Variants in TRPM3 observed in about 807,000 individuals in gnomAD.
TRPM3 encodes the protein transient receptor potential cation channel subfamily M member 3, also known as long transient receptor potential channel 3.
In TRPM3, 77 loss-of-function variants were observed where a neutral mutation model predicts 181.2. The observed-to-expected ratio is 0.42, with a 90% CI of 0.35 to 0.51. The LOEUF is 0.51. TRPM3 is among the 20% of genes least tolerant of loss of function. TRPM3 has a pLI of 0.01. For missense variants in TRPM3, 1,759 were observed against 2,196.7 expected (o/e 0.80, Z 3.98); for synonymous variants, 745 against 796.4 (o/e 0.94, Z 1.09).
intron 7 of TRPM3, among the ~76,000 whole-genome samples, chr9:70,763,222 C>T (rs2078480622): frequency 6.6e-6 from 1 of 152,086 alleles, no homozygotes; most frequent in Admixed American, 6.5e-5. Context: ...AGAATATACA[C>T]ATTTAGGCTG....
intron 1 of TRPM3, among the ~76,000 whole-genome samples, chr9:71,046,933 A>G (rs1236146929): frequency 6.6e-6 from 1 of 152,228 alleles, no homozygotes; most frequent in African/African-American, 2.4e-5. Context: ...GTTCAACGTA[A>G]TAAGCACCAA....
intron 1 of TRPM3, among the ~76,000 whole-genome samples, chr9:71,162,500 C>T (rs1034911099): frequency 1.3e-5 from 2 of 152,030 alleles, no homozygotes; most frequent in Non-Finnish European, 2.9e-5. Flanking sequence ...CTTTATTTTA[C>T]ATATATAGCT....
At chr9:71,258,194 CA>C (rs1353586540) in intron 1 of TRPM3, among the ~76,000 whole-genome samples, 9 of 152,162 alleles carry the variant, frequency 5.9e-5, no homozygotes, top group Non-Finnish European at 1.2e-4. Flanking sequence ...CACATTGGCC[CA>C]TTTAAGTCTT....
chr9:70,837,607 C>A (rs1197331477), intron 5 of TRPM3, among the ~76,000 whole-genome samples: 2 of 152,164 alleles, frequency 1.3e-5, no homozygotes, highest in African/African-American at 4.8e-5. Context: ...CTTCATTTAC[C>A]TGACACAAAT....
At chr9:70,970,856 G>T (rs1429735883) in intron 1 of TRPM3, among the ~76,000 whole-genome samples, 2 of 152,044 alleles carry the variant, frequency 1.3e-5, no homozygotes, top group African/African-American at 4.8e-5. Flanking sequence ...TTTGAAGAAT[G>T]GCTTATCACC....
Position 71,105,888 on chromosome 9 carries a change from G to A in TRPM3, c.177+15290C>T, listed in dbSNP as rs117329127. ...GATTGTTGTGATATTAACTGGAGAA[G>A]GTCATTAAAGAACTTTCTAGGGTGA... On this transcript the variant is annotated intron_variant, in intron 1 of 25. Transcript: ENST00000677713. Among the ~76,000 whole-genome samples, 739 of 152,250 alleles carry A rather than the reference G, an allele frequency of 4.9e-3. 19 individuals carry two copies. In the East Asian group the frequency reaches 0.078, roughly 16 times the overall value.
chr9:71,243,613 CAAT>C (rs2081855143), intron 1 of TRPM3, among the ~76,000 whole-genome samples: 1 of 152,124 alleles, frequency 6.6e-6, no homozygotes, highest in Non-Finnish European at 1.5e-5. Context: ...TGTAAGTACT[CAAT>C]AAATATATTT....
At chr9:71,209,380 G>C (rs796562208) in intron 1 of TRPM3, among the ~76,000 whole-genome samples, 7 of 110,306 alleles carry the variant, frequency 6.3e-5, no homozygotes, top group Non-Finnish European at 1.1e-4. Context: ...GGGAGAAGAG[G>C]GGGTAGGGAG....
intron 1 of TRPM3, among the ~76,000 whole-genome samples, chr9:71,111,210 G>A (rs966436104): frequency 6.6e-6 from 1 of 152,216 alleles, no homozygotes; most frequent in African/African-American, 2.4e-5. Flanking sequence ...AACTGGACCA[G>A]TTAATTTCCC....
chr9:70,957,425 G>C (rs72731710), intron 1 of TRPM3, among the ~76,000 whole-genome samples: 6,750 of 152,204 alleles, frequency 0.044, 181 homozygotes, highest in African/African-American at 0.077. Context: ...TACTATCACT[G>C]CTGAGAGGGG....
At chr9:71,426,904 T>G (rs1252600800) in intron 1 of TRPM3, among the ~76,000 whole-genome samples, 2 of 152,162 alleles carry the variant, frequency 1.3e-5, no homozygotes, top group African/African-American at 4.8e-5. Flanking sequence ...CTTATCTCCT[T>G]TTTATGTCTG....
intron 1 of TRPM3, among the ~76,000 whole-genome samples, chr9:71,354,645 T>C (rs1210770185): frequency 6.6e-6 from 1 of 152,262 alleles, no homozygotes; most frequent in Non-Finnish European, 1.5e-5. Flanking sequence ...TGTAATCACA[T>C]GATGTTCCTT....
chr9:71,427,296 C>T (rs534876125), intron 1 of TRPM3, among the ~76,000 whole-genome samples: 37 of 152,128 alleles, frequency 2.4e-4, no homozygotes, highest in Non-Finnish European at 4.6e-4. Flanking sequence ...CCATCAGAAG[C>T]AGAAGCAACA....
chr9:70,688,743 T>C (rs1263719940), intron 8 of TRPM3, among the ~76,000 whole-genome samples: 1 of 152,104 alleles, frequency 6.6e-6, no homozygotes, highest in Non-Finnish European at 1.5e-5. Flanking sequence ...CTCTGCTTGG[T>C]GAACAAACTA....
chr9:71,419,379 C>T (rs1180743535), intron 1 of TRPM3, among the ~76,000 whole-genome samples: 1 of 151,834 alleles, frequency 6.6e-6, no homozygotes, highest in East Asian at 1.9e-4. Flanking sequence ...TATTCAAATG[C>T]GCAGAAGATA....
chr9:70,763,313 C>G (rs984655923), intron 7 of TRPM3, among the ~76,000 whole-genome samples: 1 of 152,118 alleles, frequency 6.6e-6, no homozygotes, highest in Non-Finnish European at 1.5e-5. Context: ...AGTTCGAGAT[C>G]AGCCTTGGCA....
chr9:71,301,631 A>C (rs907998930), intron 1 of TRPM3, among the ~76,000 whole-genome samples: 1 of 152,154 alleles, frequency 6.6e-6, no homozygotes, highest in Admixed American at 6.5e-5. Flanking sequence ...CACCTTATTC[A>C]AACGTCAACT....
At chr9:71,116,545 C>CA (rs1363129531) in intron 1 of TRPM3, among the ~76,000 whole-genome samples, 1 of 152,128 alleles carries the variant, frequency 6.6e-6, no homozygotes, top group Non-Finnish European at 1.5e-5. Flanking sequence ...ATAGAAAGAA[C>CA]ATTGGTTATC....
At chr9:71,066,628 G>A (rs1305594311) in intron 1 of TRPM3, among the ~76,000 whole-genome samples, 1 of 152,142 alleles carries the variant, frequency 6.6e-6, no homozygotes, top group Non-Finnish European at 1.5e-5. Flanking sequence ...TCATGTTGCT[G>A]TATAATTAAC....
Sources: gnomAD v4.1 joint callset for allele counts (sites outside exome capture counted in the v4.1 genomes callset) on GRCh38, gnomAD v4.1.1 for gene constraint, MANE v1.5 for transcripts, NCBI Gene and HGNC (gene_info 2026-07-23, HGNC 2026-07-21) for gene names.